The following EMID1 variants were observed in gnomAD, a reference collection of about 807,000 sequenced individuals.
EMID1 encodes the protein EMI domain-containing protein 1.
In EMID1, 40 loss-of-function variants were observed where a neutral mutation model predicts 60.6. The observed-to-expected ratio is 0.66, with a 90% CI of 0.51 to 0.86. EMID1 has a LOEUF of 0.86. Ranked by LOEUF, EMID1 falls within the 40% of genes least tolerant of loss-of-function variation. The pLI is 0.00. For synonymous variants in EMID1, 242 were observed against 231.0 expected, an observed-to-expected ratio of 1.05 and a Z score of -0.43; for missense variants, 585 against 597.1, an observed-to-expected ratio of 0.98 and a Z score of 0.21.
intron 1 of EMID1, among the ~76,000 whole-genome samples, chr22:29,209,530 G>A (rs113821550): frequency 7.2e-4 from 109 of 152,282 alleles, no homozygotes; most frequent in African/African-American, 2.5e-3. Context: ...TCCTCTGGCC[G>A]GAGCTGCTGC....
chr22:29,247,110 C>G (rs1023362546), intron 13 of EMID1, among the ~76,000 whole-genome samples: 1 of 152,040 alleles, frequency 6.6e-6, no homozygotes, highest in Non-Finnish European at 1.5e-5. Context: ...ACCTAAGTAG[C>G]TGGGACTCTG....
At position 29,259,250 on chromosome 22, in the gene EMID1, C is replaced by T; in HGVS notation, c.*306C>T. On this transcript the variant is annotated 3_prime_UTR_variant, in exon 15 of 15. Coordinates refer to ENST00000334018, the MANE Select transcript of EMID1 (RefSeq NM_133455.4). ...CTGTCTGAGCATCCAGGCCCAAAGG[C>T]ACTGAGGGAGTCAGGAGCTGGGGCT... 2 of 383,390 alleles carry T rather than the reference C, an allele frequency of 5.2e-6. No individual in the cohort carries two copies. The highest frequency in any genetic ancestry group is 6.6e-5 in the East Asian group (1 of 15,246). The allele number at this position is 383,390 out of a possible 1,614,324, so 23.7% of individuals were successfully genotyped here.
chr22:29,235,637 G>A (rs1206327308), intron 12 of EMID1, among the ~76,000 whole-genome samples: 1 of 151,972 alleles, frequency 6.6e-6, no homozygotes, highest in Non-Finnish European at 1.5e-5. Context: ...TGGGCACATA[G>A]TGAATGAAGT....
chr22:29,248,669 C>A (rs1402566888), intron 13 of EMID1, among the ~76,000 whole-genome samples: 1 of 152,020 alleles, frequency 6.6e-6, no homozygotes, highest in South Asian at 2.1e-4. Context: ...CATAGCGAGA[C>A]CTTGTCTGTA....
At chr22:29,250,474 C>A in intron 13 of EMID1, among the ~76,000 whole-genome samples, 1 of 152,132 alleles carries the variant, frequency 6.6e-6, no homozygotes, top group South Asian at 2.1e-4. Flanking sequence ...ACCTGTGGTG[C>A]CTTTTATTGT....
intron 3 of EMID1, among the ~76,000 whole-genome samples, chr22:29,223,876 G>T (rs144383165): frequency 4.3e-4 from 65 of 152,358 alleles, no homozygotes; most frequent in African/African-American, 1.6e-3. Flanking sequence ...CAGGGTAAAT[G>T]CTAAACAAGA....
At chr22:29,237,724 C>A (rs957649996) in intron 12 of EMID1, among the ~76,000 whole-genome samples, 2 of 143,456 alleles carry the variant, frequency 1.4e-5, no homozygotes, top group African/African-American at 2.8e-5. Flanking sequence ...TGGCATGAAC[C>A]TGGGGGATGG....
At chr22:29,225,595 C>A (rs2040474968) in intron 4 of EMID1, among the ~76,000 whole-genome samples, 1 of 152,252 alleles carries the variant, frequency 6.6e-6, no homozygotes, top group African/African-American at 2.4e-5. Context: ...TCACTGCCCG[C>A]CCATTGTCCC....
chr22:29,232,678 A>G (rs1396781565), intron 8 of EMID1: 6 of 397,534 alleles, frequency 1.5e-5, no homozygotes, highest in Non-Finnish European at 2.7e-5. Flanking sequence ...GCTTAGAGCC[A>G]CCGGGCATCA....
In EMID1 at chr22:29,210,947, A is replaced by G. The variant is rs1344324024; in HGVS notation, c.102-3979A>G. On this transcript the variant is annotated intron_variant, in intron 1 of 14. Coordinates refer to ENST00000334018, the MANE Select transcript of EMID1 (RefSeq NM_133455.4). The stretch of plus-strand genomic sequence containing the variant: ...TGGGCCTGCCTTCACCTGTTTGTGT[A>G]CATGTGAGAAGTGTGTGTGTGTGTA... Among the ~76,000 whole-genome samples, 8 of 151,024 alleles carry G rather than the reference A, an allele frequency of 5.3e-5. No homozygotes were observed. The East Asian group carries it at 1.5e-3, about 29-fold the overall frequency.
intron 12 of EMID1, among the ~76,000 whole-genome samples, chr22:29,241,906 A>T (rs969509353): frequency 2.6e-5 from 4 of 151,494 alleles, no homozygotes; most frequent in African/African-American, 4.9e-5. Context: ...TCTGTGCTTT[A>T]TATTTCTTTA....
intron 1 of EMID1, among the ~76,000 whole-genome samples, chr22:29,207,148 G>T (rs1419807480): frequency 6.6e-6 from 1 of 152,182 alleles, no homozygotes; most frequent in Non-Finnish European, 1.5e-5. Flanking sequence ...AGTGGTCAGG[G>T]GCCAGCATGC....
chr22:29,239,627 T>C (rs1321936598), intron 12 of EMID1, among the ~76,000 whole-genome samples: 1 of 152,226 alleles, frequency 6.6e-6, no homozygotes, highest in Non-Finnish European at 1.5e-5. Context: ...CCTTTTAGTA[T>C]GCCTTGTAAT....
intron 5 of EMID1, among the ~76,000 whole-genome samples, chr22:29,228,279 T>A (rs934398273): frequency 2.6e-5 from 4 of 151,780 alleles, no homozygotes; most frequent in African/African-American, 9.7e-5. Flanking sequence ...TGAGCCGAGA[T>A]TGCACCACTG....
chr22:29,214,544 G>A (rs1166708039), intron 1 of EMID1, among the ~76,000 whole-genome samples: 1 of 152,218 alleles, frequency 6.6e-6, no homozygotes, highest in Non-Finnish European at 1.5e-5. Context: ...GGCAGATGGA[G>A]AGGCCACTCA....
At chr22:29,241,442 G>A (rs1030009561) in intron 12 of EMID1, among the ~76,000 whole-genome samples, 4 of 152,190 alleles carry the variant, frequency 2.6e-5, no homozygotes, top group Non-Finnish European at 5.9e-5. Flanking sequence ...AGGCTGGAGT[G>A]CAATGGTGTG....
At chr22:29,215,753 GCA>G (rs1415494767) in intron 3 of EMID1, 123 bp downstream of exon 3, 5 of 751,130 alleles carry the variant, frequency 6.7e-6, no homozygotes, top group Non-Finnish European at 1.1e-5. Flanking sequence ...GGGGCCAGCT[GCA>G]CAGAGCCTGG....
chr22:29,220,371 G>C (rs893528238), intron 3 of EMID1, among the ~76,000 whole-genome samples: 23 of 152,232 alleles, frequency 1.5e-4, no homozygotes, highest in Non-Finnish European at 2.8e-4. Flanking sequence ...CATAGACTAA[G>C]CCTTCCTGGA....
chr22:29,256,116 G>A (rs76796926), intron 14 of EMID1, among the ~76,000 whole-genome samples: 1,679 of 152,154 alleles, frequency 0.011, 44 homozygotes, highest in African/African-American at 0.038. Context: ...GCCCTATCTC[G>A]CAGCCCAGTG....
Sources: gnomAD v4.1 joint callset for allele counts (sites outside exome capture counted in the v4.1 genomes callset) on GRCh38, gnomAD v4.1.1 for gene constraint, MANE v1.5 for transcripts, NCBI Gene and HGNC (gene_info 2026-07-23, HGNC 2026-07-21) for gene names.